The following ZPBP variants were observed in gnomAD, a reference collection of about 807,000 sequenced individuals.
The protein encoded by ZPBP is zona pellucida-binding protein 1.
ZPBP carries 26 observed loss-of-function variants against 44.8 expected under a neutral mutation model. The observed-to-expected ratio is 0.58, with a 90% CI of 0.43 to 0.81. The LOEUF (loss-of-function observed/expected upper bound fraction) is 0.81, where lower values mean the gene tolerates loss of function less well. Among genes scored for constraint, ZPBP ranks in the 30% least tolerant of loss-of-function variants. ZPBP has a pLI of 0.00. For missense variants in ZPBP, 409 were observed against 434.0 expected (o/e 0.94, Z 0.51); for synonymous variants, 174 against 153.2 (o/e 1.14, Z -1.00).
At position 50,093,208 on chromosome 7, in the gene ZPBP, T is replaced by C. The variant is rs1446395770; in HGVS notation, c.-14A>G. ...GAAGGCCTCCATCCACACGCCGCCG[T>C]CGCCTGCCCACCGTCCGCGCGGAAG... On this transcript the variant is annotated 5_prime_UTR_variant, in exon 1 of 8. Coordinates refer to ENST00000046087, the MANE Select transcript of ZPBP (RefSeq NM_007009.3). 1 of 1,511,698 alleles carries C rather than the reference T, an allele frequency of 6.6e-7. No homozygotes were observed. The highest frequency in any genetic ancestry group is 2.6e-5 in the East Asian group (1 of 38,164). The allele number at this position is 1,511,698 out of a possible 1,614,324, so 93.6% of individuals were successfully genotyped here. A position where few individuals can be genotyped will look rare whatever the true frequency, so the allele number is the denominator to read the frequency against.
At chr7:50,084,518 T>TA (rs1346353417) in intron 2 of ZPBP, among the ~76,000 whole-genome samples, 2 of 151,738 alleles carry the variant, frequency 1.3e-5, no homozygotes, top group African/African-American at 4.8e-5. Flanking sequence ...GCGAACGAGT[T>TA]AAAAAGAGGG....
At chr7:50,091,864 T>TG (rs1803008447) in intron 1 of ZPBP, among the ~76,000 whole-genome samples, 1 of 152,152 alleles carries the variant, frequency 6.6e-6, no homozygotes, top group African/African-American at 2.4e-5. Context: ...GAAAAGGATG[T>TG]GGTATCAAAG....
intron 2 of ZPBP, among the ~76,000 whole-genome samples, chr7:49,888,560 C>G (rs1371306904): frequency 6.6e-6 from 1 of 152,136 alleles, no homozygotes; most frequent in Non-Finnish European, 1.5e-5. Flanking sequence ...AGCAGGCCTC[C>G]CTGAAGCCTC....
intron 1 of ZPBP, among the ~76,000 whole-genome samples, chr7:50,090,915 T>C (rs1802958588): frequency 6.6e-6 from 1 of 152,188 alleles, no homozygotes; most frequent in Non-Finnish European, 1.5e-5. Context: ...TTGTACTAGT[T>C]TACATTCCCA....
intron 6 of ZPBP, among the ~76,000 whole-genome samples, chr7:50,015,402 C>T (rs1189082032): frequency 1.3e-5 from 2 of 151,988 alleles, no homozygotes; most frequent in African/African-American, 4.8e-5. Flanking sequence ...CTTCATTTCA[C>T]CATATATAAA....
chr7:49,841,002 T>A, the ZPBP span, among the ~76,000 whole-genome samples: 1 of 152,224 alleles, frequency 6.6e-6, no homozygotes, highest in South Asian at 2.1e-4. Context: ...AAGGAATACC[T>A]TTTTCAAGAT....
At chr7:49,847,973 C>T (rs145627769), downstream of ZPBP, among the ~76,000 whole-genome samples, 5 of 152,314 alleles carry the variant, frequency 3.3e-5, no homozygotes, top group East Asian at 5.8e-4. Context: ...CAGCAAGGCT[C>T]AATGTCAAAG....
chr7:49,918,581 G>A (rs982811000), intron 1 of ZPBP: 6 of 152,136 alleles, frequency 3.9e-5, no homozygotes, highest in Non-Finnish European at 5.9e-5. Context: ...TTCTCATATT[G>A]AAATTTACAA....
At chr7:50,038,813 A>G (rs1384136190) in intron 4 of ZPBP, among the ~76,000 whole-genome samples, 1 of 152,244 alleles carries the variant, frequency 6.6e-6, no homozygotes, top group Non-Finnish European at 1.5e-5. Flanking sequence ...TTACAACTAC[A>G]TACAGTATTC....
At position 49,937,483 on chromosome 7, in the gene ZPBP, T is replaced by C. The variant is rs776418312; in HGVS notation, c.*45A>G. The C allele has an allele frequency of 7.4e-7, 1 of 1,360,300 alleles. No homozygotes were observed. The highest frequency in any genetic ancestry group is 1.1e-6 in the Non-Finnish European group (1 of 949,786). The allele number at this position is 1,360,300 out of a possible 1,614,324, so 84.3% of individuals were successfully genotyped here. A position where few individuals can be genotyped will look rare whatever the true frequency, so the allele number is the denominator to read the frequency against. On this transcript the variant is annotated 3_prime_UTR_variant, in exon 8 of 8. Transcript: ENST00000046087. The stretch of plus-strand genomic sequence containing the variant: ...ATTTATTATGTTAATATTTCAAATA[T>C]ATACTTTGCATTTAATAAACCACTG...
At chr7:49,841,700 A>C in the ZPBP span, among the ~76,000 whole-genome samples, 1 of 152,206 alleles carries the variant, frequency 6.6e-6, no homozygotes, top group African/African-American at 2.4e-5. Context: ...CATTTCTTCT[A>C]ATCATTCATC....
At chr7:49,878,956 G>A (rs1791560538) in intron 2 of ZPBP, among the ~76,000 whole-genome samples, 1 of 152,130 alleles carries the variant, frequency 6.6e-6, no homozygotes, top group African/African-American at 2.4e-5. Flanking sequence ...AGAAAAGTTT[G>A]CCAAGCCCTG....
intron 2 of ZPBP, among the ~76,000 whole-genome samples, chr7:49,891,946 G>C (rs1314053349): frequency 1.4e-5 from 2 of 147,546 alleles, no homozygotes; most frequent in Non-Finnish European, 3.0e-5. Context: ...AATAAATTTT[G>C]ATATATTCAT....
At chr7:50,021,900 C>A (rs922542608) in intron 5 of ZPBP, among the ~76,000 whole-genome samples, 2 of 151,968 alleles carry the variant, frequency 1.3e-5, no homozygotes, top group Non-Finnish European at 2.9e-5. Flanking sequence ...AATGGGCAAC[C>A]ATTTTTTAAA....
chr7:49,911,841 G>A (rs373397608), intron 1 of ZPBP, among the ~76,000 whole-genome samples: 2 of 151,950 alleles, frequency 1.3e-5, no homozygotes, highest in East Asian at 3.9e-4. Context: ...AAGTTGCAGT[G>A]AGCCGAGATC....
At chr7:50,037,148 A>G (rs1398288601) in intron 4 of ZPBP, among the ~76,000 whole-genome samples, 1 of 152,212 alleles carries the variant, frequency 6.6e-6, no homozygotes, top group Non-Finnish European at 1.5e-5. Context: ...AATAAACTGA[A>G]TAAAGTAATC....
intron 2 of ZPBP, among the ~76,000 whole-genome samples, chr7:49,875,378 A>AAAAC (rs1329057867): frequency 2.7e-5 from 4 of 148,306 alleles, no homozygotes; most frequent in Non-Finnish European, 6.0e-5. Flanking sequence ...TCAAAAAAAA[A>AAAAC]AAAAAAAAAA....
chr7:49,865,521 T>C (rs1301563071), intron 2 of ZPBP, among the ~76,000 whole-genome samples: 1 of 152,242 alleles, frequency 6.6e-6, no homozygotes, highest in Admixed American at 6.5e-5. Context: ...TCTGGCAATG[T>C]GGTTCCTCAC....
chr7:49,871,956 CA>C lies in ZPBP; in HGVS notation n.510-21443del, dbSNP rs1441190700. Among the ~76,000 whole-genome samples, 8 of 63,100 alleles carry C rather than the reference CA, an allele frequency of 1.3e-4. No individual in the cohort carries two copies. The East Asian group carries it at 1.4e-3, about 11-fold the overall frequency. The allele number at this position is 63,100 out of a possible 152,430, so 41.4% of individuals were successfully genotyped here. ...ACACACACACACACACACACACACA[CA>C]CCGAGAAAGAGAGGGAGGGAGGGAG... On this transcript the variant is annotated intron_variant and non_coding_transcript_variant, in intron 2 of 2. Coordinates refer to the ZPBP transcript ENST00000465922.
Sources: allele counts gnomAD v4.1 joint callset (sites outside exome capture counted in the v4.1 genomes callset), GRCh38; gene constraint gnomAD v4.1.1; transcripts MANE v1.5; gene names NCBI Gene and HGNC (gene_info 2026-07-23, HGNC 2026-07-21).